TBX15: variants seen among roughly 807,000 people sequenced by gnomAD.
The protein encoded by TBX15 is T-box transcription factor 15, also known as T-box transcription factor TBX15.
Under a neutral mutation model 53.9 loss-of-function variants are expected in TBX15, and 18 were observed. The ratio of observed to expected loss-of-function variants is 0.33; its 90% CI spans 0.23 to 0.49. The LOEUF (loss-of-function observed/expected upper bound fraction) is 0.49. TBX15 is among the 20% of genes least tolerant of loss of function. TBX15 has a pLI of 0.98. For synonymous variants in TBX15, 295 were observed against 278.0 expected, an observed-to-expected ratio of 1.06 and a Z score of -0.61; for missense variants, 692 against 749.5, an observed-to-expected ratio of 0.92 and a Z score of 0.90.
At chr1:118,942,742 A>G (rs1656222200) in intron 1 of TBX15, among the ~76,000 whole-genome samples, 1 of 152,232 alleles carries the variant, frequency 6.6e-6, no homozygotes, top group Admixed American at 6.5e-5. Flanking sequence ...TCAAACACCT[A>G]GAAAATACTC....
intron 2 of TBX15, among the ~76,000 whole-genome samples, chr1:118,930,858 T>C (rs1195160381): frequency 6.6e-6 from 1 of 152,244 alleles, no homozygotes; most frequent in Non-Finnish European, 1.5e-5. Flanking sequence ...TTAGTACCCA[T>C]GTGCCTTAGC....
intron 6 of TBX15, among the ~76,000 whole-genome samples, chr1:118,906,730 G>A (rs1280689374): frequency 5.9e-5 from 9 of 152,146 alleles, no homozygotes; most frequent in African/African-American, 2.2e-4. Flanking sequence ...CCGTAATGCA[G>A]TGAGTGGCAC....
At chr1:118,890,922 G>A (rs2101456284) in intron 7 of TBX15, 1 of 1,304,168 alleles carries the variant, frequency 7.7e-7, no homozygotes, top group Non-Finnish European at 1.0e-6. Context: ...CTGTCTCTGA[G>A]GAGTGCTGAT....
chr1:118,978,719 TAA>T (rs1299656502), intron 1 of TBX15, among the ~76,000 whole-genome samples: 1 of 152,204 alleles, frequency 6.6e-6, no homozygotes, highest in African/African-American at 2.4e-5. Context: ...CATAAGTAAG[TAA>T]AGTTTCTGAT....
At chr1:118,968,915 C>T (rs1657142261) in intron 1 of TBX15, among the ~76,000 whole-genome samples, 1 of 152,162 alleles carries the variant, frequency 6.6e-6, no homozygotes, top group Non-Finnish European at 1.5e-5. Context: ...GGCACTTCAG[C>T]TTCTTTGAAA....
Position 118,899,115 on chromosome 1 carries a change from C to A in TBX15, c.937G>T (p.Glu313Ter). The change falls in exon 7 of 8, where the codon GAA becomes TAA. Residue 313 changes from glutamate (E) to a stop codon, truncating the protein, a stop_gained. Coordinates refer to ENST00000369429, the MANE Select transcript of TBX15 (RefSeq NM_001330677.2). LOFTEE classifies it high-confidence loss of function. ...RDSGRNRTGL[E>*]AIMETYAFWR... Reference sequence around the variant, plus strand: ...AATGCATATGTCTCCATGATGGCTTCAAGTCCAGTTCTGACAAGAGAAAAG... The same window carrying A: ...AATGCATATGTCTCCATGATGGCTTAAAGTCCAGTTCTGACAAGAGAAAAG... The A allele has an allele frequency of 6.2e-7, 1 of 1,613,476 alleles. No individual in the cohort carries two copies. The highest frequency in any genetic ancestry group is 8.5e-7 in the Non-Finnish European group (1 of 1,179,622).
intron 7 of TBX15, among the ~76,000 whole-genome samples, chr1:118,893,795 T>C (rs1179623778): frequency 6.6e-6 from 1 of 152,216 alleles, no homozygotes; most frequent in African/African-American, 2.4e-5. Flanking sequence ...GCCAAACACA[T>C]TGACATTAGT....
chr1:118,895,822 G>A (rs1443405230), intron 7 of TBX15, among the ~76,000 whole-genome samples: 2 of 152,142 alleles, frequency 1.3e-5, no homozygotes, highest in East Asian at 1.9e-4. Context: ...AATAGGAAGA[G>A]CAAACTAAAA....
chr1:118,937,098 A>G (rs1046764530), intron 1 of TBX15, among the ~76,000 whole-genome samples: 7 of 152,180 alleles, frequency 4.6e-5, no homozygotes, highest in African/African-American at 1.7e-4. Flanking sequence ...TTTATGAGGT[A>G]ACATTTGAAT....
chr1:118,883,647 C>T lies in TBX15; in HGVS notation c.*1085G>A, dbSNP rs536873120. The T allele has an allele frequency of 1.3e-5, 2 of 152,138 alleles. No homozygotes were observed. Among genetic ancestry groups the T allele is most frequent in the South Asian group, 4.2e-4 (2 of 4,746 alleles). 9.4% of individuals were successfully genotyped at this position (152,138 alleles called of 1,614,324 possible). The stretch of plus-strand genomic sequence containing the variant: ...ACACCCTTTTATTTTCCTTCCCCTA[C>T]CAGGCTGCATGCTGTGGAATCAGCA... On this transcript the variant is annotated 3_prime_UTR_variant, in exon 8 of 8. Coordinates refer to ENST00000369429, the MANE Select transcript of TBX15 (RefSeq NM_001330677.2).
rs552316942 is a variant in TBX15 at position 118,933,073 on chromosome 1, C to A, written c.206-1241G>T. ...ACTAGTAAGATGGAAAAGAATGGGA[C>A]AGAATGCCCAATCACGTTGCTGCCA... On this transcript the variant is annotated intron_variant, in intron 1 of 7. Transcript: ENST00000369429. Among the ~76,000 whole-genome samples the A allele has an allele frequency of 9.2e-5, 14 of 152,234 alleles. 1 individual carries two copies. Among genetic ancestry groups the A allele is most frequent in the East Asian group, 7.7e-4 (4 of 5,168 alleles).
Position 118,884,436 on chromosome 1 carries a change from C to T in TBX15, c.*296G>A, listed in dbSNP as rs928593647. ...ACTAGCATCTCCCTTAACATTATGA[C>T]GAAGTGATTATTCAGTCTCTTCAAA... On this transcript the variant is annotated 3_prime_UTR_variant, in exon 8 of 8. Coordinates refer to ENST00000369429, the MANE Select transcript of TBX15 (RefSeq NM_001330677.2). 6.7e-6 allele frequency: 3 copies of T among 447,912 alleles called. No homozygotes were observed. The highest frequency in any genetic ancestry group is 2.4e-5 in the South Asian group (1 of 42,544). The allele number at this position is 447,912 out of a possible 1,614,324, so 27.7% of individuals were successfully genotyped here.
intron 7 of TBX15, among the ~76,000 whole-genome samples, chr1:118,892,117 A>C (rs1654167731): frequency 1.3e-5 from 2 of 151,534 alleles, no homozygotes; most frequent in African/African-American, 4.9e-5. Flanking sequence ...GAGTAGGAAC[A>C]AGGGATTTCA....
At chr1:118,951,952 A>G (rs1656529945) in intron 1 of TBX15, among the ~76,000 whole-genome samples, 1 of 152,174 alleles carries the variant, frequency 6.6e-6, no homozygotes, top group Admixed American at 6.5e-5. Flanking sequence ...GCTGCAGTTG[A>G]AGTTGATATA....
At chr1:118,932,950 T>C (rs946208) in intron 1 of TBX15, among the ~76,000 whole-genome samples, 1 of 151,956 alleles carries the variant, frequency 6.6e-6, no homozygotes, top group Non-Finnish European at 1.5e-5. Context: ...TGGAGTTAAA[T>C]ATATTCATGA....
At chr1:118,936,476 AG>A (rs1020703086) in intron 1 of TBX15, among the ~76,000 whole-genome samples, 1 of 152,036 alleles carries the variant, frequency 6.6e-6, no homozygotes, top group Non-Finnish European at 1.5e-5. Flanking sequence ...GATCTTTAAA[AG>A]TTTCTTTGGT....
Position 118,884,591 on chromosome 1 carries a change from T to A in TBX15, c.*141A>T. The A allele has an allele frequency of 9.7e-7, 1 of 1,030,814 alleles. No individual in the cohort carries two copies. The highest frequency in any genetic ancestry group is 1.4e-6 in the Non-Finnish European group (1 of 723,046). 63.9% of individuals were successfully genotyped at this position (1,030,814 alleles called of 1,614,324 possible). On this transcript the variant is annotated 3_prime_UTR_variant, in exon 8 of 8. Transcript: ENST00000369429. Reference sequence around the variant, plus strand: ...TAAAGGTATCTCTTGTTCTTGGGTATATGTCTTCGGCCAGAAAAAAAAAAA... The same window carrying A: ...TAAAGGTATCTCTTGTTCTTGGGTAAATGTCTTCGGCCAGAAAAAAAAAAA...
intron 6 of TBX15, among the ~76,000 whole-genome samples, chr1:118,904,066 A>G (rs560195519): frequency 9.4e-4 from 143 of 152,284 alleles, no homozygotes; most frequent in African/African-American, 3.2e-3. Context: ...ATGCAAGAGA[A>G]GGCATGTTTT....
intron 5 of TBX15, among the ~76,000 whole-genome samples, chr1:118,921,403 G>A (rs754504565): frequency 1.6e-4 from 24 of 152,264 alleles, no homozygotes; most frequent in Middle Eastern, 3.4e-3. Context: ...GATTGCCTTG[G>A]TTTGAGAACA....
Sources: allele counts gnomAD v4.1 joint callset (sites outside exome capture counted in the v4.1 genomes callset), GRCh38; gene constraint gnomAD v4.1.1; transcripts MANE v1.5; gene names NCBI Gene and HGNC (gene_info 2026-07-23, HGNC 2026-07-21).